Variants in SNX5 observed in about 807,000 individuals in gnomAD.
SNX5 encodes the protein sorting nexin 5.
SNX5 carries 31 observed loss-of-function variants against 53.9 expected under a neutral mutation model. That is an observed-to-expected ratio of 0.58 (90% CI 0.43 to 0.78). The LOEUF (loss-of-function observed/expected upper bound fraction) is 0.78, where lower values mean the gene tolerates loss of function less well. SNX5 is among the 30% of genes least tolerant of loss of function. The pLI is 0.00. For missense variants in SNX5, 471 were observed against 478.8 expected (o/e 0.98, Z 0.15); for synonymous variants, 168 against 171.1 (o/e 0.98, Z 0.14).
chr20:17,968,310 G>A (rs1263260809), intron 1 of SNX5, 65 bp downstream of exon 1: 3 of 1,208,408 alleles, frequency 2.5e-6, no homozygotes, highest in Admixed American at 4.2e-5. Flanking sequence ...GCAAGGGAAA[G>A]AATGCAGCGA....
chr20:17,947,744 T>C, intron 10 of SNX5, 99 bp from the exon 11 acceptor site: 1 of 961,012 alleles, frequency 1.0e-6, no homozygotes, highest in Non-Finnish European at 1.5e-6. Context: ...GTGGCAATAA[T>C]CTACCTCTAC....
chr20:17,960,552 C>T (rs777234066), intron 1 of SNX5, among the ~76,000 whole-genome samples: 7 of 152,072 alleles, frequency 4.6e-5, no homozygotes, highest in African/African-American at 1.4e-4. Flanking sequence ...CGACATCACG[C>T]GACTGCACTC....
chr20:17,959,517 A>T (rs2035415587), intron 1 of SNX5, among the ~76,000 whole-genome samples: 1 of 152,214 alleles, frequency 6.6e-6, no homozygotes. Flanking sequence ...GGATTCAAGC[A>T]AAACTCCAAT....
chr20:17,967,795 A>C (rs921412586), intron 1 of SNX5: 3 of 341,530 alleles, frequency 8.8e-6, no homozygotes, highest in African/African-American at 6.3e-5. Context: ...GGCAAGACTT[A>C]AAAATAGACA....
intron 11 of SNX5, 169 bp from the exon 12 acceptor site, chr20:17,943,364 AACT>A (rs1286615317): frequency 1.7e-6 from 1 of 597,176 alleles, no homozygotes; most frequent in Non-Finnish European, 3.0e-6. Context: ...GACATCTATT[AACT>A]GTGGTGATAC....
chr20:17,942,733 G>T (rs2122333660), intron 12 of SNX5: 1 of 399,988 alleles, frequency 2.5e-6, no homozygotes, highest in South Asian at 3.4e-5. Context: ...TTCCATGAAG[G>T]CAAGGGCCTT....
intron 1 of SNX5, among the ~76,000 whole-genome samples, chr20:17,959,204 A>T (rs892053482): frequency 2.0e-5 from 3 of 152,240 alleles, no homozygotes; most frequent in African/African-American, 7.2e-5. Flanking sequence ...GGATGTAATC[A>T]AGTAAATGGA....
chr20:17,950,190 T>A lies in SNX5; in HGVS notation c.733A>T (p.Ile245Phe). ...CTATGTAAGCAGGCTGCGGTGTGGA[T>A]ATAGTCATCGGCAACATCTGCAGAA... ...RSHKNVADDYIHTAACLHSLA... is the reference protein window; with the variant it reads ...RSHKNVADDYFHTAACLHSLA... Residue 245 changes from isoleucine (I) to phenylalanine (F), a missense_variant, in exon 8 of 13, where the codon ATC (isoleucine) becomes TTC (phenylalanine). Ile to Phe is a conservative substitution (Grantham distance 21). Coordinates refer to ENST00000377759, the MANE Select transcript of SNX5 (RefSeq NM_014426.4). 6.2e-7 allele frequency: 1 copy of A among 1,614,202 alleles called. No homozygotes were observed. Among genetic ancestry groups the A allele is most frequent in the Non-Finnish European group, 8.5e-7 (1 of 1,180,014 alleles).
At position 17,955,481 on chromosome 20, in the gene SNX5, A is replaced by G. The variant is rs750420856; in HGVS notation, c.157-6T>C. 42 of 1,606,684 alleles carry G rather than the reference A, an allele frequency of 2.6e-5. No individual in the cohort carries two copies. Among genetic ancestry groups the G allele is most frequent in the Non-Finnish European group, 3.5e-5 (41 of 1,174,032 alleles). ...TGAAACGTGGGCAGTGTGGTCTGTAAAGAAAGAAAGAAGTTAACTGGTAAC... is the reference window on the plus strand; with the variant it reads ...TGAAACGTGGGCAGTGTGGTCTGTAGAGAAAGAAAGAAGTTAACTGGTAAC... On this transcript the variant is annotated splice_polypyrimidine_tract_variant and splice_region_variant and intron_variant, in intron 2 of 12. Transcript: ENST00000377759.
chr20:17,964,713 G>A (rs1397961032), intron 1 of SNX5, among the ~76,000 whole-genome samples: 1 of 152,094 alleles, frequency 6.6e-6, no homozygotes, highest in Non-Finnish European at 1.5e-5. Flanking sequence ...TGTGACCACG[G>A]GCTATTTAAG....
chr20:17,950,308 AT>A lies in SNX5; in HGVS notation c.697del (p.Met233Ter). The A allele has an allele frequency of 6.2e-7, 1 of 1,612,980 alleles. No homozygotes were observed. Among genetic ancestry groups the A allele is most frequent in the Non-Finnish European group, 8.5e-7 (1 of 1,178,946 alleles). On this transcript the variant is annotated frameshift_variant, in exon 7 of 13. Transcript: ENST00000377759. LOFTEE classifies it high-confidence loss of function. The part of the protein sequence containing the change: ...IKDSCVKADK[M>X]TRSHKNVADD... ...ATATTTACTTTTATGAGATCTGGTC[AT>A]TTTGTCAGCTTTCACACAAGAATCT...
At chr20:17,962,054 T>C (rs188726065) in intron 1 of SNX5, 18 of 889,552 alleles carry the variant, frequency 2.0e-5, no homozygotes, top group East Asian at 2.4e-4. Flanking sequence ...AATGTTCCCA[T>C]TGGTGCTCCG....
At chr20:17,962,448 C>G (rs2035472490) in intron 1 of SNX5, among the ~76,000 whole-genome samples, 1 of 152,062 alleles carries the variant, frequency 6.6e-6, no homozygotes. Flanking sequence ...CGTGATCTGC[C>G]CGCCTCAGCC....
At chr20:17,943,398 G>C (rs1568586544) in intron 11 of SNX5, 4 of 534,644 alleles carry the variant, frequency 7.5e-6, no homozygotes, top group Non-Finnish European at 1.3e-5. Flanking sequence ...GTCTTTAAGT[G>C]GAAAACATCA....
intron 11 of SNX5, chr20:17,945,431 G>C (rs1443182154): frequency 6.6e-6 from 1 of 152,152 alleles, no homozygotes; most frequent in East Asian, 1.9e-4. Context: ...CTGGCATTTT[G>C]AATATAGGAT....
rs2035607524 is a variant in SNX5 at position 17,968,440 on chromosome 20, C to T, written c.-15G>A. On this transcript the variant is annotated 5_prime_UTR_variant, in exon 1 of 13. Coordinates refer to ENST00000377759, the MANE Select transcript of SNX5 (RefSeq NM_014426.4). ...ACCGCGGCCATGGCGACGCGGGACT[C>T]GAGCAGGGGCCGCCTGGCTGTGCGA... The T allele has an allele frequency of 7.8e-7, 1 of 1,287,194 alleles. No homozygotes were observed. The highest frequency in any genetic ancestry group is 9.9e-7 in the Non-Finnish European group (1 of 1,014,522). 79.7% of individuals were successfully genotyped at this position (1,287,194 alleles called of 1,614,324 possible). A position where few individuals can be genotyped will look rare whatever the true frequency, so the allele number is the denominator to read the frequency against.
chr20:17,961,690 C>A, intron 1 of SNX5: 1 of 984,984 alleles, frequency 1.0e-6, no homozygotes, highest in Non-Finnish European at 1.2e-6. Context: ...TTAAGCAGCA[C>A]ATGCTACAGT....
At chr20:17,952,955 C>A (rs1173929721) in intron 4 of SNX5, among the ~76,000 whole-genome samples, 2 of 152,358 alleles carry the variant, frequency 1.3e-5, no homozygotes, top group South Asian at 2.1e-4. Flanking sequence ...AGTCCATGAG[C>A]TCCTAAATCT....
rs1157685266 is a variant in SNX5 at position 17,955,423 on chromosome 20, T to A, written c.209A>T (p.Glu70Val). ...AGTGTCATGTAGCCACACAAAGTCTTCATGTTGCCTTGTAACAGAAAACTC... is the reference window on the plus strand; with the variant it reads ...AGTGTCATGTAGCCACACAAAGTCTACATGTTGCCTTGTAACAGAAAACTC... ...SPEFSVTRQH[E>V]DFVWLHDTLI... Residue 70 changes from glutamate to valine, a missense_variant, in exon 3 of 13, where the codon GAA becomes GTA. Physicochemically the swap from Glu to Val is moderately radical, Grantham distance 121. Transcript: ENST00000377759. The A allele has an allele frequency of 6.2e-7, 1 of 1,614,150 alleles. No homozygotes were observed. The highest frequency in any genetic ancestry group is 8.5e-7 in the Non-Finnish European group (1 of 1,180,006).
Sources: allele counts gnomAD v4.1 joint callset (sites outside exome capture counted in the v4.1 genomes callset), GRCh38; gene constraint gnomAD v4.1.1; transcripts MANE v1.5; gene names NCBI Gene and HGNC (gene_info 2026-07-23, HGNC 2026-07-21).